Variants in RGS6 observed in about 807,000 individuals in gnomAD.
RGS6 encodes regulator of G protein signaling 6, also known as regulator of G-protein signaling 6.
In RGS6, 30 loss-of-function variants were observed where a neutral mutation model predicts 78.5. That is an observed-to-expected ratio of 0.38 (90% confidence interval 0.29 to 0.52). The LOEUF is 0.52. Ranked by LOEUF, RGS6 falls within the 20% of genes least tolerant of loss-of-function variation. The pLI is 0.85. For synonymous variants in RGS6, 206 were observed against 206.0 expected, an observed-to-expected ratio of 1.00 and a Z score of 0.00; for missense variants, 495 against 609.7, an observed-to-expected ratio of 0.81 and a Z score of 1.98.
the RGS6 span, among the ~76,000 whole-genome samples, chr14:72,591,513 C>T: frequency 9.2e-5 from 14 of 152,038 alleles, no homozygotes; most frequent in African/African-American, 2.7e-4. Flanking sequence ...GTAATGTCTC[C>T]GCGTGGTACC....
At chr14:72,148,575 G>A (rs2153630660) in intron 2 of RGS6, among the ~76,000 whole-genome samples, 1 of 152,260 alleles carries the variant, frequency 6.6e-6, no homozygotes, top group South Asian at 2.1e-4. Context: ...CAATAATTCA[G>A]GTGGACCCCT....
chr14:72,224,337 G>A (rs575076242), intron 2 of RGS6, among the ~76,000 whole-genome samples: 1 of 152,212 alleles, frequency 6.6e-6, no homozygotes, highest in East Asian at 1.9e-4. Flanking sequence ...AGGATGGCTT[G>A]AGCCCTGGAG....
chr14:72,235,567 A>G (rs575280826), intron 2 of RGS6, among the ~76,000 whole-genome samples: 14 of 152,288 alleles, frequency 9.2e-5, no homozygotes, highest in Admixed American at 1.3e-4. Flanking sequence ...TCCATCTACA[A>G]TGTCTCAGCC....
rs567085517 is a variant in RGS6 at position 72,539,357 on chromosome 14, A to G, written c.1369-684A>G. On this transcript the variant is annotated intron_variant, in intron 16 of 17. Coordinates refer to ENST00000553525, the MANE Select transcript of RGS6 (RefSeq NM_001204424.2). ...TGAGAAAACACACAATCCCCATGTT[A>G]TTGTCTTCTGAGACCCAAGACCCTT... Among the ~76,000 whole-genome samples the G allele has an allele frequency of 1.2e-3, 188 of 152,216 alleles. 1 individual carries two copies. The highest frequency in any genetic ancestry group is 1.5e-3 in the Non-Finnish European group (101 of 67,992).
intron 2 of RGS6, among the ~76,000 whole-genome samples, chr14:72,001,404 G>T (rs529592122): frequency 1.3e-5 from 2 of 151,240 alleles, no homozygotes; most frequent in South Asian, 4.2e-4. Flanking sequence ...TAGAAAAAAC[G>T]TTATGCCCAA....
intron 2 of RGS6, among the ~76,000 whole-genome samples, chr14:72,048,933 C>T (rs1046808028): frequency 7.9e-5 from 12 of 152,104 alleles, no homozygotes; most frequent in Admixed American, 7.9e-4. Flanking sequence ...GCAACTATTG[C>T]ATTTCATGTT....
intron 2 of RGS6, among the ~76,000 whole-genome samples, chr14:72,073,872 A>G (rs1057456638): frequency 6.6e-6 from 1 of 152,216 alleles, no homozygotes; most frequent in Admixed American, 6.5e-5. Flanking sequence ...AGAAAAAATT[A>G]TTACTATTAT....
intron 2 of RGS6, among the ~76,000 whole-genome samples, chr14:72,141,892 TAA>T (rs201568114): frequency 4.1e-5 from 6 of 145,704 alleles, no homozygotes; most frequent in Admixed American, 6.8e-5. Context: ...CATTTTACAT[TAA>T]AAAAAAAAAA....
At chr14:72,138,349 A>T (rs2153606376) in intron 2 of RGS6, among the ~76,000 whole-genome samples, 1 of 148,542 alleles carries the variant, frequency 6.7e-6, no homozygotes, top group Middle Eastern at 3.4e-3. Flanking sequence ...GAGCGCATTG[A>T]GGGGGAGGGT....
Position 72,101,110 on chromosome 14 carries a change from T to G in RGS6, c.84+136235T>G, listed in dbSNP as rs377346144. Among the ~76,000 whole-genome samples the G allele has an allele frequency of 1.7e-4, 26 of 152,264 alleles. No individual in the cohort carries two copies. The East Asian group carries it at 2.5e-3, about 15-fold the overall frequency. Reference sequence around the variant, plus strand: ...GGAGGATCATCTGAGCCCAGGAGGTTGAGGCTGCAGTGAGCCGTGATTATG... The same window carrying G: ...GGAGGATCATCTGAGCCCAGGAGGTGGAGGCTGCAGTGAGCCGTGATTATG... On this transcript the variant is annotated intron_variant, in intron 2 of 17. Coordinates refer to ENST00000553525, the MANE Select transcript of RGS6 (RefSeq NM_001204424.2).
intron 3 of RGS6, among the ~76,000 whole-genome samples, chr14:72,402,106 T>A (rs2092464787): frequency 6.6e-6 from 1 of 152,178 alleles, no homozygotes; most frequent in Admixed American, 6.5e-5. Flanking sequence ...GCTGACCCAC[T>A]GTCTGCTCCA....
At chr14:72,388,521 C>T (rs1177627623) in intron 3 of RGS6, among the ~76,000 whole-genome samples, 1 of 152,142 alleles carries the variant, frequency 6.6e-6, no homozygotes, top group Non-Finnish European at 1.5e-5. Flanking sequence ...CTCAGAGTTG[C>T]ATCTCAGTTG....
At chr14:72,368,449 A>T (rs896846569) in intron 3 of RGS6, among the ~76,000 whole-genome samples, 63 of 152,202 alleles carry the variant, frequency 4.1e-4, no homozygotes, top group African/African-American at 1.4e-3. Flanking sequence ...TGGAGGGGAC[A>T]TCCAAACCAT....
At chr14:72,198,450 A>C (rs1244202594) in intron 2 of RGS6, among the ~76,000 whole-genome samples, 1 of 152,250 alleles carries the variant, frequency 6.6e-6, no homozygotes, top group Non-Finnish European at 1.5e-5. Context: ...CAATAGACTA[A>C]ATAATCCCTG....
At chr14:72,019,633 A>C (rs2087920028) in intron 2 of RGS6, among the ~76,000 whole-genome samples, 1 of 152,136 alleles carries the variant, frequency 6.6e-6, no homozygotes, top group Non-Finnish European at 1.5e-5. Context: ...ACTGTCATGC[A>C]TGTGGCTTAT....
At chr14:72,528,587 C>G (rs2097145739) in intron 15 of RGS6, among the ~76,000 whole-genome samples, 1 of 152,100 alleles carries the variant, frequency 6.6e-6, no homozygotes, top group Non-Finnish European at 1.5e-5. Context: ...TCTGCTTGTT[C>G]ATAGTCAGCT....
intron 3 of RGS6, among the ~76,000 whole-genome samples, chr14:72,353,573 G>A (rs527929521): frequency 4.6e-5 from 7 of 152,326 alleles, no homozygotes; most frequent in South Asian, 2.1e-4. Context: ...TTTGCAGGGC[G>A]AGTGTGACTG....
intron 2 of RGS6, among the ~76,000 whole-genome samples, chr14:72,149,501 T>C (rs566303095): frequency 3.3e-5 from 5 of 152,248 alleles, no homozygotes; most frequent in Admixed American, 2.0e-4. Flanking sequence ...GAGTGGTTGC[T>C]GTTGGCTGGC....
intron 2 of RGS6, among the ~76,000 whole-genome samples, chr14:72,111,038 A>C (rs912560054): frequency 6.6e-6 from 1 of 152,090 alleles, no homozygotes; most frequent in Non-Finnish European, 1.5e-5. Flanking sequence ...TTGTTCCTCA[A>C]ATCAAATCTG....
Sources: gnomAD v4.1 joint callset for allele counts (sites outside exome capture counted in the v4.1 genomes callset) on GRCh38, gnomAD v4.1.1 for gene constraint, MANE v1.5 for transcripts, NCBI Gene and HGNC (gene_info 2026-07-23, HGNC 2026-07-21) for gene names.